Variants in GGH observed in about 807,000 individuals in gnomAD.
The protein encoded by GGH is gamma-Glu-X carboxypeptidase.
A neutral mutation model predicts 39.2 loss-of-function variants in GGH; 18 were observed. The ratio of observed to expected loss-of-function variants is 0.46; its 90% CI spans 0.32 to 0.68. GGH has a LOEUF of 0.68. Ranked by LOEUF, GGH falls within the 30% of genes least tolerant of loss-of-function variation. The pLI, the probability that GGH is intolerant of heterozygous loss-of-function variation, is 0.04. For missense variants in GGH, 367 were observed against 384.1 expected, an observed-to-expected ratio of 0.96 and a Z score of 0.37; for synonymous variants, 147 against 138.8, an observed-to-expected ratio of 1.06 and a Z score of -0.42.
intron 7 of GGH, among the ~76,000 whole-genome samples, chr8:63,019,240 G>C (rs1318574525): frequency 1.3e-5 from 2 of 152,206 alleles, no homozygotes; most frequent in Admixed American, 1.3e-4. Context: ...TATGTATCTT[G>C]TTCGTGTCTT....
chr8:63,037,177 T>G (rs1306872169), intron 1 of GGH, among the ~76,000 whole-genome samples: 1 of 152,122 alleles, frequency 6.6e-6, no homozygotes, highest in Admixed American at 6.6e-5. Flanking sequence ...CAGATTAACA[T>G]GTCAAACGCC....
chr8:63,029,855 C>T, intron 3 of GGH: 1 of 198,718 alleles, frequency 5.0e-6, no homozygotes, highest in Non-Finnish European at 1.0e-5. Context: ...AAGCAGTATG[C>T]CACGCCATTC....
intron 3 of GGH, 99 bp from the exon 4 acceptor site, chr8:63,027,364 A>T (rs1804706921): frequency 1.6e-6 from 1 of 635,880 alleles, no homozygotes; most frequent in African/African-American, 1.9e-5. Flanking sequence ...AATTTTTCTT[A>T]TTACATATGC....
chr8:63,017,347 T>A, intron 8 of GGH, 146 bp downstream of exon 8: 1 of 542,752 alleles, frequency 1.8e-6, no homozygotes, highest in Non-Finnish European at 3.2e-6. Context: ...GGCTTTCACA[T>A]TATTTAACAT....
At chr8:63,028,607 T>C (rs971811134) in intron 3 of GGH, 1 of 152,182 alleles carries the variant, frequency 6.6e-6, no homozygotes, top group African/African-American at 2.4e-5. Context: ...CACTCAGAGA[T>C]ATAAATAAGG....
intron 8 of GGH, among the ~76,000 whole-genome samples, chr8:63,015,665 A>G (rs1313270151): frequency 6.6e-6 from 1 of 151,484 alleles, no homozygotes; most frequent in Non-Finnish European, 1.5e-5. Context: ...GAAGAAGAAG[A>G]AGGAACCAAG....
intron 5 of GGH, 65 bp downstream of exon 5, chr8:63,026,093 A>C (rs931545133): frequency 3.9e-6 from 5 of 1,293,058 alleles, no homozygotes; most frequent in Non-Finnish European, 4.3e-6. Context: ...TTTTACTTTC[A>C]TATTTGCTAC....
chr8:63,019,488 T>TAAAAC (rs1265959533), intron 7 of GGH, among the ~76,000 whole-genome samples: 2 of 152,204 alleles, frequency 1.3e-5, no homozygotes, highest in Non-Finnish European at 2.9e-5. Context: ...CCACTGCAGA[T>TAAAAC]AAAACACGGT....
chr8:63,036,274 AC>A (rs199592177), intron 1 of GGH, among the ~76,000 whole-genome samples: 1 of 151,032 alleles, frequency 6.6e-6, no homozygotes, highest in Non-Finnish European at 1.5e-5. Context: ...TTCTTAAGAA[AC>A]CCCCCCAAGC....
At chr8:63,037,093 G>C (rs1382519394) in intron 1 of GGH, among the ~76,000 whole-genome samples, 2 of 152,316 alleles carry the variant, frequency 1.3e-5, no homozygotes, top group East Asian at 3.9e-4. Flanking sequence ...TAGGCCACCT[G>C]ATAGGAAGAG....
chr8:63,036,003 A>G (rs986083037), intron 1 of GGH, among the ~76,000 whole-genome samples: 6 of 152,200 alleles, frequency 3.9e-5, no homozygotes, highest in Non-Finnish European at 7.3e-5. Context: ...GCCCCCAAAG[A>G]AGGCTTACAA....
rs965763282 is a variant in GGH, at chr8:63,038,563, C to A, written c.109+97G>T. The A allele has an allele frequency of 4.9e-6, 3 of 609,492 alleles. No homozygotes were observed. In the African/African-American group the frequency reaches 5.8e-5, roughly 12 times the overall value. The allele number at this position is 609,492 out of a possible 1,614,324, so 37.8% of individuals were successfully genotyped here. On this transcript the variant is annotated intron_variant, in intron 1 of 8. Coordinates refer to ENST00000260118, the MANE Select transcript of GGH (RefSeq NM_003878.3). ...AGCGAAGCACATCTGGGGGTTTTTCCCGGCGGGACGCGCCAGCTGGAGCGC... is the reference window on the plus strand; with the variant it reads ...AGCGAAGCACATCTGGGGGTTTTTCACGGCGGGACGCGCCAGCTGGAGCGC...
chr8:63,030,049 C>T (rs934984970), intron 3 of GGH, 118 bp downstream of exon 3: 1 of 547,828 alleles, frequency 1.8e-6, no homozygotes, highest in African/African-American at 1.9e-5. Flanking sequence ...AACACTAATA[C>T]TATACCACTC....
At chr8:63,016,444 C>T (rs1358193405) in intron 8 of GGH, among the ~76,000 whole-genome samples, 1 of 151,968 alleles carries the variant, frequency 6.6e-6, no homozygotes, top group African/African-American at 2.4e-5. Context: ...TTGATAAAAA[C>T]TTAGGGCAAG....
chr8:63,015,527 T>C (rs1804470017), intron 8 of GGH, 74 bp from the exon 9 acceptor site: 1 of 926,002 alleles, frequency 1.1e-6, no homozygotes, highest in African/African-American at 1.7e-5. Context: ...TAATATTTCT[T>C]CCTGCAATCA....
At chr8:63,017,304 G>C in intron 8 of GGH, 189 bp downstream of exon 8, 2 of 483,658 alleles carry the variant, frequency 4.1e-6, no homozygotes, top group Non-Finnish European at 7.2e-6. Flanking sequence ...AACTGTCCTG[G>C]TTTTATTAGA....
intron 2 of GGH, among the ~76,000 whole-genome samples, chr8:63,034,770 G>A: frequency 6.6e-6 from 1 of 152,160 alleles, no homozygotes; most frequent in East Asian, 1.9e-4. Context: ...TTTTAAAGTA[G>A]AGTGTGAAGG....
chr8:63,027,312 C>CG (rs756435325), intron 3 of GGH, 47 bp from the exon 4 acceptor site: 1 of 911,870 alleles, frequency 1.1e-6, no homozygotes, highest in Non-Finnish European at 1.8e-6. Context: ...TTGCCACCCC[C>CG]GACCCATACA....
intron 7 of GGH, among the ~76,000 whole-genome samples, chr8:63,023,310 A>G (rs538928159): frequency 7.6e-4 from 115 of 152,256 alleles, no homozygotes; most frequent in African/African-American, 2.6e-3. Context: ...CTTAGCCCCA[A>G]AGCTCAGGAT....
Sources: allele counts gnomAD v4.1 joint callset (sites outside exome capture counted in the v4.1 genomes callset), GRCh38; gene constraint gnomAD v4.1.1; transcripts MANE v1.5; gene names NCBI Gene and HGNC (gene_info 2026-07-23, HGNC 2026-07-21).